The following CCDC66 variants were observed in gnomAD, a reference collection of about 807,000 sequenced individuals.
CCDC66 encodes coiled-coil domain containing 66.
CCDC66 carries 133 observed loss-of-function variants against 128.3 expected under a neutral mutation model. The observed-to-expected ratio is 1.04, with a 90% CI of 0.90 to 1.20. The LOEUF (loss-of-function observed/expected upper bound fraction) is 1.20, where lower values mean the gene tolerates loss of function less well. Among genes scored for constraint, CCDC66 ranks in the 50% most tolerant of loss-of-function variants. The pLI is 0.00. For missense variants in CCDC66, 1,126 were observed against 1,075.5 expected (o/e 1.05, Z -0.66); for synonymous variants, 387 against 357.0 (o/e 1.08, Z -0.95).
chr3:56,598,896 C>G (rs995620470), intron 10 of CCDC66, among the ~76,000 whole-genome samples: 10 of 151,886 alleles, frequency 6.6e-5, no homozygotes, highest in Non-Finnish European at 2.9e-5. Flanking sequence ...TTTGTTGTGT[C>G]CTTCTCTGGC....
chr3:56,574,207 C>A (rs1463233668), intron 7 of CCDC66, among the ~76,000 whole-genome samples: 1 of 151,410 alleles, frequency 6.6e-6, no homozygotes, highest in Non-Finnish European at 1.5e-5. Flanking sequence ...GCTAAAAATA[C>A]AAAAATTAGC....
intron 7 of CCDC66, among the ~76,000 whole-genome samples, chr3:56,589,629 TG>T (rs1315790344): frequency 6.6e-6 from 1 of 152,166 alleles, no homozygotes; most frequent in African/African-American, 2.4e-5. Flanking sequence ...AATGTACCAG[TG>T]TCATTAGCAC....
At chr3:56,563,622 T>A (rs2065420746) in intron 3 of CCDC66, 62 bp from the exon 4 acceptor site, 1 of 1,307,192 alleles carries the variant, frequency 7.6e-7, no homozygotes, top group East Asian at 2.5e-5. Context: ...ACAGATCATA[T>A]AAAGATAATT....
At chr3:56,607,039 C>T (rs558153883) in intron 10 of CCDC66, among the ~76,000 whole-genome samples, 16 of 152,258 alleles carry the variant, frequency 1.1e-4, no homozygotes, top group African/African-American at 3.9e-4. Flanking sequence ...GTTTTGGTGA[C>T]TGCGGCCTTA....
chr3:56,611,117 G>A (rs147558736), intron 10 of CCDC66, among the ~76,000 whole-genome samples: 56 of 152,204 alleles, frequency 3.7e-4, no homozygotes, highest in Admixed American at 1.8e-3. Context: ...GCCATGGTGA[G>A]GGCCCTAGAA....
chr3:56,580,695 C>G (rs1177502862), intron 7 of CCDC66, among the ~76,000 whole-genome samples: 4 of 151,816 alleles, frequency 2.6e-5, no homozygotes, highest in Non-Finnish European at 5.9e-5. Context: ...ATATGAAATT[C>G]TGGGTTGAAA....
At chr3:56,576,209 A>G (rs1185530946) in intron 7 of CCDC66, among the ~76,000 whole-genome samples, 1 of 151,066 alleles carries the variant, frequency 6.6e-6, no homozygotes, top group Admixed American at 6.7e-5. Flanking sequence ...TTTTTTCAGC[A>G]ATGTTTTGTA....
chr3:56,606,201 G>C (rs1402775371), intron 10 of CCDC66, among the ~76,000 whole-genome samples: 1 of 152,050 alleles, frequency 6.6e-6, no homozygotes, highest in African/African-American at 2.4e-5. Flanking sequence ...ATCATAGCTT[G>C]CTGAGCTCCC....
chr3:56,597,648 G>T (rs2072249139), intron 10 of CCDC66, among the ~76,000 whole-genome samples: 1 of 151,608 alleles, frequency 6.6e-6, no homozygotes, highest in East Asian at 1.9e-4. Flanking sequence ...AGGTGGGATT[G>T]CCTTCTTTAT....
intron 7 of CCDC66, among the ~76,000 whole-genome samples, chr3:56,592,459 C>G (rs2071082876): frequency 6.6e-6 from 1 of 151,914 alleles, no homozygotes; most frequent in Non-Finnish European, 1.5e-5. Context: ...CTCCCGGGTT[C>G]AAGTGATTTG....
At chr3:56,607,393 A>AT (rs919317960) in intron 10 of CCDC66, among the ~76,000 whole-genome samples, 4 of 151,648 alleles carry the variant, frequency 2.6e-5, no homozygotes, top group Non-Finnish European at 5.9e-5. Flanking sequence ...TATTTTATAT[A>AT]TTTTTTTGCA....
At chr3:56,566,870 G>A in intron 5 of CCDC66, 80 bp from the exon 6 acceptor site, 1 of 1,481,428 alleles carries the variant, frequency 6.8e-7, no homozygotes, top group Non-Finnish European at 9.3e-7. Flanking sequence ...CTATTTAAAA[G>A]CTTATTACTT....
intron 7 of CCDC66, among the ~76,000 whole-genome samples, chr3:56,580,397 T>C (rs1245826395): frequency 6.6e-6 from 1 of 151,876 alleles, no homozygotes; most frequent in African/African-American, 2.4e-5. Flanking sequence ...TTGGAGCATT[T>C]AGTTCATGAA....
At chr3:56,581,128 C>G (rs1286411274) in intron 7 of CCDC66, among the ~76,000 whole-genome samples, 1 of 71,828 alleles carries the variant, frequency 1.4e-5, no homozygotes, top group Non-Finnish European at 2.7e-5. Context: ...TTTCTCTAAA[C>G]TTCTCTTCTT....
At chr3:56,566,373 C>T (rs1577277118) in intron 4 of CCDC66, among the ~76,000 whole-genome samples, 2 of 152,296 alleles carry the variant, frequency 1.3e-5, no homozygotes, top group South Asian at 4.1e-4. Context: ...AATCTGCCCA[C>T]GTCAGCCTTC....
At position 56,593,064 on chromosome 3, in the gene CCDC66, G is replaced by A. The variant is rs772448371; in HGVS notation, c.1031G>A (p.Arg344His). 1.4e-5 allele frequency: 23 copies of A among 1,604,084 alleles called. No individual in the cohort carries two copies. The highest frequency in any genetic ancestry group is 1.8e-5 in the Non-Finnish European group (21 of 1,174,740). The change falls in exon 8 of 18, where the codon CGT becomes CAT. Residue 344 changes from arginine to histidine, a missense_variant. Transcript: ENST00000394672. Reference sequence around the variant, plus strand: ...TTGAATAAGCAAATAGAAGATGACCGTCAAAGAAAAATAGAGGAAAAAATT... The same window carrying A: ...TTGAATAAGCAAATAGAAGATGACCATCAAAGAAAAATAGAGGAAAAAATT... ...EELNKQIEDDRQRKIEEKIIY... is the reference protein window; with the variant it reads ...EELNKQIEDDHQRKIEEKIIY...
chr3:56,618,537 TG>T (rs1475248088), intron 15 of CCDC66: 2 of 250,626 alleles, frequency 8.0e-6, no homozygotes, highest in African/African-American at 2.2e-5. Flanking sequence ...GGGCTGTGAA[TG>T]GGAAGAAATG....
intron 5 of CCDC66, 79 bp from the exon 6 acceptor site, chr3:56,566,871 C>T: frequency 6.8e-7 from 1 of 1,479,754 alleles, no homozygotes; most frequent in Admixed American, 1.9e-5. Context: ...TATTTAAAAG[C>T]TTATTACTTA....
chr3:56,571,040 C>A, intron 6 of CCDC66, 141 bp from the exon 7 acceptor site: 2 of 534,924 alleles, frequency 3.7e-6, no homozygotes, highest in Non-Finnish European at 6.2e-6. Flanking sequence ...AATTATTCTC[C>A]ACTTTGTGAG....
Sources: gnomAD v4.1 joint callset for allele counts (sites outside exome capture counted in the v4.1 genomes callset) on GRCh38, gnomAD v4.1.1 for gene constraint, MANE v1.5 for transcripts, NCBI Gene and HGNC (gene_info 2026-07-23, HGNC 2026-07-21) for gene names.